DISP1: variants seen among roughly 807,000 people sequenced by gnomAD.
The protein encoded by DISP1 is protein dispatched homolog 1.
In DISP1, 30 loss-of-function variants were observed where a neutral mutation model predicts 37.3. That is an observed-to-expected ratio of 0.80 (90% CI 0.60 to 1.09). The LOEUF (loss-of-function observed/expected upper bound fraction) is 1.09. Among genes scored for constraint, DISP1 ranks in the 50% least tolerant of loss-of-function variants. The pLI, the probability that DISP1 is intolerant of heterozygous loss-of-function variation, is 0.00. For synonymous variants in DISP1, 634 were observed against 690.2 expected, an observed-to-expected ratio of 0.92 and a Z score of 1.28; for missense variants, 1,598 against 1,879.5, an observed-to-expected ratio of 0.85 and a Z score of 2.77.
In DISP1 at chr1:222,983,110, G is replaced by T; in HGVS notation, c.539+1G>T. ...CCAGACCTTTCAAGTTGCCAAAAAG[G>T]TAAAGTAATCTGGGTCATCTTATTA... On this transcript the variant is annotated splice_donor_variant, in intron 4 of 8. Coordinates refer to ENST00000675850, the MANE Select transcript of DISP1 (RefSeq NM_001377229.1). LOFTEE classifies it high-confidence loss of function. 6.2e-7 allele frequency: 1 copy of T among 1,604,182 alleles called. No homozygotes were observed.
intron 1 of DISP1, among the ~76,000 whole-genome samples, chr1:222,819,575 T>A (rs1407735610): frequency 6.7e-6 from 1 of 148,872 alleles, no homozygotes; most frequent in Non-Finnish European, 1.5e-5. Flanking sequence ...TGTCTCGCTG[T>A]GTTGCCTAGG....
At chr1:222,843,290 A>T (rs1667712791) in intron 1 of DISP1, among the ~76,000 whole-genome samples, 3 of 152,112 alleles carry the variant, frequency 2.0e-5, no homozygotes, top group African/African-American at 7.2e-5. Flanking sequence ...AAGAATAAAT[A>T]ACAGTGACTT....
chr1:222,918,926 T>A (rs1672650229), intron 1 of DISP1, among the ~76,000 whole-genome samples: 1 of 152,226 alleles, frequency 6.6e-6, no homozygotes, highest in Non-Finnish European at 1.5e-5. Flanking sequence ...TTGTTTGGGT[T>A]GATTTACTAA....
intron 1 of DISP1, among the ~76,000 whole-genome samples, chr1:222,858,971 C>G (rs1668718637): frequency 6.6e-6 from 1 of 152,118 alleles, no homozygotes; most frequent in African/African-American, 2.4e-5. Flanking sequence ...CCCAGCAATC[C>G]CATTACTGGG....
intron 1 of DISP1, among the ~76,000 whole-genome samples, chr1:222,871,091 A>T (rs1169128693): frequency 1.3e-5 from 2 of 152,182 alleles, no homozygotes; most frequent in Non-Finnish European, 2.9e-5. Flanking sequence ...GTCAAAGATC[A>T]GATAGTTGTA....
intron 1 of DISP1, among the ~76,000 whole-genome samples, chr1:222,851,665 A>G (rs1206905745): frequency 6.6e-6 from 1 of 152,222 alleles, no homozygotes; most frequent in African/African-American, 2.4e-5. Flanking sequence ...TATAAATAAC[A>G]ACTTTGTTTT....
At chr1:222,891,874 A>C (rs1670964019) in intron 1 of DISP1, among the ~76,000 whole-genome samples, 1 of 152,062 alleles carries the variant, frequency 6.6e-6, no homozygotes, top group East Asian at 1.9e-4. Context: ...ATAAACAACT[A>C]TCTTAAGAAT....
intron 1 of DISP1, among the ~76,000 whole-genome samples, chr1:222,890,533 G>C (rs192011795): frequency 6.6e-6 from 1 of 152,212 alleles, no homozygotes; most frequent in African/African-American, 2.4e-5. Flanking sequence ...TGATAAATGA[G>C]GGAGATAAGG....
intron 7 of DISP1, among the ~76,000 whole-genome samples, chr1:222,993,559 G>T (rs1373953053): frequency 6.6e-6 from 1 of 152,120 alleles, no homozygotes; most frequent in Non-Finnish European, 1.5e-5. Flanking sequence ...ACTCTGTATA[G>T]TAATAGATAG....
intron 1 of DISP1, among the ~76,000 whole-genome samples, chr1:222,854,692 C>A (rs1199312129): frequency 6.6e-6 from 1 of 151,164 alleles, no homozygotes; most frequent in Non-Finnish European, 1.5e-5. Context: ...GTTCTCCTTT[C>A]AGTTTGTTAA....
Position 222,827,363 on chromosome 1 carries a change from G to A in DISP1, c.-159+12285G>A, listed in dbSNP as rs533605395. On this transcript the variant is annotated intron_variant, in intron 1 of 8. Coordinates refer to ENST00000675850, the MANE Select transcript of DISP1 (RefSeq NM_001377229.1). ...TTGGCCTTGGAGAATTATAAAAAGG[G>A]GTAGGGGCATGGATCATCCATATGT... 6.6e-5 allele frequency: 10 copies of A among 152,250 alleles called. No homozygotes were observed. The South Asian group carries it at 1.9e-3, about 28-fold the overall frequency. The allele number at this position is 152,250 out of a possible 1,614,324, so 9.4% of individuals were successfully genotyped here. A position where few individuals can be genotyped will look rare whatever the true frequency, so the allele number is the denominator to read the frequency against.
intron 1 of DISP1, among the ~76,000 whole-genome samples, chr1:222,839,026 G>T (rs766163323): frequency 6.6e-6 from 1 of 152,120 alleles, no homozygotes; most frequent in Non-Finnish European, 1.5e-5. Context: ...GTGTGCATGG[G>T]TTTCACTCTA....
At chr1:222,964,473 G>A (rs773368273) in intron 3 of DISP1, among the ~76,000 whole-genome samples, 2 of 150,844 alleles carry the variant, frequency 1.3e-5, no homozygotes, top group Non-Finnish European at 3.0e-5. Flanking sequence ...TTTTTTTTTC[G>A]TTTCAGTAAT....
At chr1:222,862,157 T>G (rs1307031545) in intron 1 of DISP1, among the ~76,000 whole-genome samples, 1 of 152,226 alleles carries the variant, frequency 6.6e-6, no homozygotes, top group African/African-American at 2.4e-5. Flanking sequence ...ATGAATGAAT[T>G]AACCATAGTG....
At chr1:222,995,863 C>G (rs773318361) in intron 8 of DISP1, among the ~76,000 whole-genome samples, 2 of 152,130 alleles carry the variant, frequency 1.3e-5, no homozygotes, top group Admixed American at 6.5e-5. Context: ...ATCACCTGTT[C>G]GGTCAACAGG....
At chr1:222,927,210 T>C (rs1673136575) in intron 1 of DISP1, among the ~76,000 whole-genome samples, 3 of 152,104 alleles carry the variant, frequency 2.0e-5, no homozygotes, top group Non-Finnish European at 2.9e-5. Context: ...TGTTATTTTC[T>C]GTTTGTTTGA....
intron 1 of DISP1, among the ~76,000 whole-genome samples, chr1:222,886,113 G>A (rs1429584885): frequency 6.6e-6 from 1 of 152,158 alleles, no homozygotes; most frequent in East Asian, 1.9e-4. Context: ...AGGGGATGAG[G>A]GAAAAGACCT....
chr1:222,866,288 G>A lies in DISP1; in HGVS notation c.-159+51210G>A, dbSNP rs560500182. Among the ~76,000 whole-genome samples the A allele has an allele frequency of 2.2e-4, 34 of 152,030 alleles. 2 individuals carry two copies. The South Asian group carries it at 6.9e-3, about 31-fold the overall frequency. ...CCTTTTATAGGAGAATTGGGCCTCA[G>A]ATATATGATCAGTACATGATATTCC... On this transcript the variant is annotated intron_variant, in intron 1 of 8. Transcript: ENST00000675850.
intron 3 of DISP1, among the ~76,000 whole-genome samples, chr1:222,953,791 C>T (rs1351076040): frequency 6.6e-6 from 1 of 152,112 alleles, no homozygotes; most frequent in Non-Finnish European, 1.5e-5. Context: ...AGAAAGACTT[C>T]TTTGAGAGAG....
Sources: allele counts gnomAD v4.1 joint callset (sites outside exome capture counted in the v4.1 genomes callset), GRCh38; gene constraint gnomAD v4.1.1; transcripts MANE v1.5; gene names NCBI Gene and HGNC (gene_info 2026-07-23, HGNC 2026-07-21).